SEC24B: variants seen among roughly 807,000 people sequenced by gnomAD.
The protein encoded by SEC24B is protein transport protein Sec24B.
In SEC24B, 45 loss-of-function variants were observed where a neutral mutation model predicts 142.8. The observed-to-expected ratio is 0.32, with a 90% CI of 0.25 to 0.40. The LOEUF (loss-of-function observed/expected upper bound fraction) is 0.40. SEC24B is among the 10% of genes least tolerant of loss of function. The probability of loss-of-function intolerance (pLI) is 1.00; values close to 1 mark genes in which losing one functional copy is unlikely to be tolerated. For missense variants in SEC24B, 1,409 were observed against 1,526.8 expected (o/e 0.92, Z 1.29); for synonymous variants, 574 against 568.2 (o/e 1.01, Z -0.15).
rs915825686 is a variant in SEC24B at position 109,433,981 on chromosome 4, C to G, written c.112C>G (p.Pro38Ala). The G allele has an allele frequency of 1.3e-4, 151 of 1,202,284 alleles. No homozygotes were observed. Among genetic ancestry groups the G allele is most frequent in the Middle Eastern group, 1.0e-3 (3 of 3,010 alleles). The allele number at this position is 1,202,284 out of a possible 1,614,324, so 74.5% of individuals were successfully genotyped here. ...AAAPAGPGAG[P>A]APHQQNGPAQ... ...AGCGCCCGCGGGCCCGGGTGCGGGC[C>G]CGGCGCCGCACCAGCAGAACGGTGA... Residue 38 changes from proline to alanine, a missense_variant, in exon 1 of 24, where the codon CCG becomes GCG. Around this residue, in one of 2 missense-constraint regions of SEC24B, gnomAD observed 709 missense variants for 673.5 expected, o/e 1.05. Coordinates refer to ENST00000265175, the MANE Select transcript of SEC24B (RefSeq NM_006323.5).
chr4:109,438,916 C>T (rs1728660732), intron 1 of SEC24B, among the ~76,000 whole-genome samples: 1 of 152,118 alleles, frequency 6.6e-6, no homozygotes, highest in African/African-American at 2.4e-5. Flanking sequence ...TTTTACTCTG[C>T]CTTTTGGGAT....
At chr4:109,449,190 A>C (rs540738917) in intron 1 of SEC24B, among the ~76,000 whole-genome samples, 8 of 152,110 alleles carry the variant, frequency 5.3e-5, no homozygotes, top group Non-Finnish European at 1.2e-4. Context: ...CTAGGTTGCT[A>C]TATTGAAACA....
intron 6 of SEC24B, among the ~76,000 whole-genome samples, chr4:109,503,030 T>G (rs1736311648): frequency 6.6e-6 from 1 of 151,830 alleles, no homozygotes; most frequent in Admixed American, 6.6e-5. Context: ...AATACTTAAA[T>G]TTTATGTAGT....
chr4:109,522,137 T>C (rs906609495), intron 14 of SEC24B, among the ~76,000 whole-genome samples: 9 of 151,582 alleles, frequency 5.9e-5, no homozygotes, highest in African/African-American at 1.9e-4. Context: ...CTGCAAGCTC[T>C]GCCTTCGGGT....
intron 3 of SEC24B, among the ~76,000 whole-genome samples, chr4:109,476,954 G>A (rs961757920): frequency 6.2e-4 from 94 of 151,578 alleles, no homozygotes; most frequent in Middle Eastern, 3.4e-3. Context: ...CGGCTAAAAC[G>A]GTGAAACCCC....
chr4:109,526,108 A>T lies in SEC24B; in HGVS notation c.2792-118A>T. ...AAACTCTGCCTATGCTTGAACCTTGACTCCCCAGTTATCCTTTTGATTCAA... is the reference window on the plus strand; with the variant it reads ...AAACTCTGCCTATGCTTGAACCTTGTCTCCCCAGTTATCCTTTTGATTCAA... On this transcript the variant is annotated intron_variant, in intron 16 of 23. Transcript: ENST00000265175. The T allele has an allele frequency of 2.2e-6, 2 of 930,116 alleles. 1 individual carries two copies. Among genetic ancestry groups the T allele is most frequent in the East Asian group, 4.9e-5 (2 of 41,060 alleles). 57.6% of individuals were successfully genotyped at this position (930,116 alleles called of 1,614,324 possible).
chr4:109,482,979 T>TACACACACACACACACAC (rs1554001099), intron 4 of SEC24B, among the ~76,000 whole-genome samples: 7 of 26,416 alleles, frequency 2.6e-4, no homozygotes, highest in African/African-American at 8.3e-4. Context: ...TATATATATA[T>TACACACACACACACACAC]ACACACACAC....
At chr4:109,441,481 A>C (rs1728922388) in intron 1 of SEC24B, among the ~76,000 whole-genome samples, 2 of 152,172 alleles carry the variant, frequency 1.3e-5, no homozygotes, top group South Asian at 4.1e-4. Flanking sequence ...CCCAGGCTGG[A>C]GTGCAGTGAT....
In SEC24B at chr4:109,521,497, A is replaced by G; in HGVS notation, c.2379A>G (p.Ala793=). ...AAACACACAGTGCCCTTGGTCCTGC[A>G]CTTCAGGCTGCCTTTAAATTAATGT... The part of the protein sequence containing the change: ...TRETHSALGP[A]LQAAFKLMSP... Residue 793 remains alanine (A), a synonymous_variant, in exon 14 of 24, where the codon GCA becomes GCG. Transcript: ENST00000265175. The G allele has an allele frequency of 6.2e-7, 1 of 1,614,152 alleles. No individual in the cohort carries two copies. Among genetic ancestry groups the G allele is most frequent in the African/African-American group, 1.3e-5 (1 of 75,060 alleles).
At chr4:109,512,609 A>G in intron 9 of SEC24B, among the ~76,000 whole-genome samples, 1 of 150,650 alleles carries the variant, frequency 6.6e-6, no homozygotes, top group South Asian at 2.1e-4. Context: ...TGGTTTTCTC[A>G]CCTGATTTCA....
At chr4:109,492,131 G>A (rs1213917591) in intron 5 of SEC24B, among the ~76,000 whole-genome samples, 1 of 148,142 alleles carries the variant, frequency 6.8e-6, no homozygotes, top group African/African-American at 2.5e-5. Flanking sequence ...AAGTTTAATT[G>A]AAGTTGGAAT....
chr4:109,524,337 G>T (rs542277827), intron 14 of SEC24B, among the ~76,000 whole-genome samples: 2 of 151,954 alleles, frequency 1.3e-5, no homozygotes, highest in Non-Finnish European at 2.9e-5. Context: ...TTAAGAACTT[G>T]GAGACTCTCT....
At chr4:109,500,398 C>T (rs909131070) in intron 6 of SEC24B, among the ~76,000 whole-genome samples, 2 of 151,480 alleles carry the variant, frequency 1.3e-5, no homozygotes, top group African/African-American at 4.8e-5. Context: ...ACAAAAATTA[C>T]CTGGGCATTG....
At chr4:109,512,198 T>G (rs1284702065) in intron 9 of SEC24B, 115 bp downstream of exon 9, 4 of 962,172 alleles carry the variant, frequency 4.2e-6, no homozygotes, top group Non-Finnish European at 6.1e-6. Flanking sequence ...TTCATGCCAT[T>G]TTTAGTAGAG....
At chr4:109,513,986 T>G in intron 10 of SEC24B, 130 bp downstream of exon 10, 1 of 594,908 alleles carries the variant, frequency 1.7e-6, no homozygotes. Context: ...AAATTAATGC[T>G]GGAAGTTTAT....
In SEC24B at chr4:109,533,453, A is replaced by T. The variant is rs1725153403; in HGVS notation, c.3496-140A>T. ...AACCACTCTGGATTCTTACATATAGATTCACAATGTAACAATTATAGATTT... is the reference window on the plus strand; with the variant it reads ...AACCACTCTGGATTCTTACATATAGTTTCACAATGTAACAATTATAGATTT... On this transcript the variant is annotated intron_variant, in intron 21 of 23. Transcript: ENST00000265175. 4.6e-6 allele frequency: 3 copies of T among 645,492 alleles called. No homozygotes were observed. The South Asian group carries it at 5.6e-5, about 12-fold the overall frequency. The allele number at this position is 645,492 out of a possible 1,614,324, so 40.0% of individuals were successfully genotyped here. A position where few individuals can be genotyped will look rare whatever the true frequency, so the allele number is the denominator to read the frequency against.
intron 6 of SEC24B, among the ~76,000 whole-genome samples, chr4:109,504,741 C>T (rs1323151867): frequency 6.6e-6 from 1 of 152,156 alleles, no homozygotes; most frequent in Non-Finnish European, 1.5e-5. Flanking sequence ...ATTAAGCTTT[C>T]ACCTAGTGGC....
chr4:109,442,630 A>G (rs892159897), intron 1 of SEC24B, among the ~76,000 whole-genome samples: 6 of 152,198 alleles, frequency 3.9e-5, no homozygotes, highest in African/African-American at 1.4e-4. Context: ...TTGGAATTCA[A>G]TTCAGGAAAA....
intron 2 of SEC24B, among the ~76,000 whole-genome samples, chr4:109,470,708 C>T (rs1314886379): frequency 6.6e-6 from 1 of 152,148 alleles, no homozygotes; most frequent in Non-Finnish European, 1.5e-5. Flanking sequence ...CCTAAAAGTC[C>T]ATTAATAGCA....
Sources: gnomAD v4.1 joint callset for allele counts (sites outside exome capture counted in the v4.1 genomes callset) on GRCh38, gnomAD v4.1.1 for gene constraint, gnomAD v4.1.1 regional missense constraint, MANE v1.5 for transcripts, NCBI Gene and HGNC (gene_info 2026-07-23, HGNC 2026-07-21) for gene names.